CSMD1: variants seen among roughly 807,000 people sequenced by gnomAD.
CSMD1 encodes the protein CUB and Sushi multiple domains 1.
CSMD1 carries 213 observed loss-of-function variants against 417.5 expected under a neutral mutation model. That is an observed-to-expected ratio of 0.51 (90% CI 0.46 to 0.57). The LOEUF (loss-of-function observed/expected upper bound fraction) is 0.57. Among genes scored for constraint, CSMD1 ranks in the 20% least tolerant of loss-of-function variants. The probability of loss-of-function intolerance (pLI) is 0.00; values close to 1 mark genes in which losing one functional copy is unlikely to be tolerated. For synonymous variants in CSMD1, 2,862 were observed against 1,736.8 expected (o/e 1.65, Z -16.11); for missense variants, 6,923 against 4,529.7 (o/e 1.53, Z -15.17).
intron 11 of CSMD1, among the ~76,000 whole-genome samples, chr8:3,485,476 G>A (rs184732730): frequency 5.3e-5 from 8 of 150,260 alleles, no homozygotes; most frequent in Admixed American, 1.3e-4. Flanking sequence ...TGACTGTGGC[G>A]GATACAGGAA....
intron 41 of CSMD1, among the ~76,000 whole-genome samples, chr8:3,136,037 G>C (rs1208460368): frequency 2.6e-5 from 4 of 152,076 alleles, no homozygotes; most frequent in African/African-American, 9.7e-5. Flanking sequence ...GTTTCATTCA[G>C]ATTTCTATCA....
At chr8:3,708,333 G>A (rs780936957) in intron 7 of CSMD1, 81 bp downstream of exon 7, 2 of 1,112,330 alleles carry the variant, frequency 1.8e-6, no homozygotes, top group Non-Finnish European at 2.7e-6. Context: ...GGTGGTGGGT[G>A]GGATCGCTTC....
At chr8:4,294,776 A>T (rs991251919) in intron 3 of CSMD1, among the ~76,000 whole-genome samples, 1 of 151,974 alleles carries the variant, frequency 6.6e-6, no homozygotes, top group Non-Finnish European at 1.5e-5. Flanking sequence ...TGTAATAATC[A>T]TGGGTAAAAT....
intron 3 of CSMD1, among the ~76,000 whole-genome samples, chr8:4,384,236 A>G (rs979196496): frequency 1.3e-5 from 2 of 150,168 alleles, no homozygotes. Flanking sequence ...GACAGAAGTG[A>G]TAAATTACAG....
intron 17 of CSMD1, 101 bp downstream of exon 17, chr8:3,396,093 T>C (rs1029957114): frequency 3.0e-6 from 3 of 1,001,258 alleles, no homozygotes; most frequent in African/African-American, 3.2e-5. Flanking sequence ...GCAGGATCAG[T>C]AAACTAGCAC....
At chr8:3,556,289 C>G (rs1168614627) in intron 10 of CSMD1, among the ~76,000 whole-genome samples, 3 of 150,728 alleles carry the variant, frequency 2.0e-5, no homozygotes, top group Admixed American at 2.0e-4. Context: ...ACAACCCCCA[C>G]TACCCTTCCC....
chr8:4,079,871 C>T (rs1049475897), intron 3 of CSMD1, among the ~76,000 whole-genome samples: 4 of 152,032 alleles, frequency 2.6e-5, no homozygotes, highest in African/African-American at 4.8e-5. Flanking sequence ...CTTTGAATAC[C>T]ATCTTCATAG....
intron 5 of CSMD1, among the ~76,000 whole-genome samples, chr8:3,932,900 C>A (rs1810250182): frequency 6.7e-6 from 1 of 150,018 alleles, no homozygotes; most frequent in African/African-American, 2.5e-5. Flanking sequence ...ATTCCAATAG[C>A]AACACACTTC....
At chr8:3,247,594 C>T (rs1202145610) in intron 26 of CSMD1, among the ~76,000 whole-genome samples, 1 of 152,212 alleles carries the variant, frequency 6.6e-6, no homozygotes, top group Non-Finnish European at 1.5e-5. Context: ...ATTCTCCCTT[C>T]CCTGTGGGGA....
At chr8:4,973,716 T>G (rs1049909381) in intron 1 of CSMD1, among the ~76,000 whole-genome samples, 53 of 152,298 alleles carry the variant, frequency 3.5e-4, no homozygotes, top group African/African-American at 1.2e-3. Context: ...GCTTATGTTG[T>G]GATAATAGAC....
chr8:4,897,397 A>T (rs1159149422), intron 1 of CSMD1, among the ~76,000 whole-genome samples: 1 of 152,120 alleles, frequency 6.6e-6, no homozygotes, highest in Non-Finnish European at 1.5e-5. Context: ...CAACAGGAAA[A>T]AAGTTACAAC....
At chr8:3,400,176 A>T (rs755434255) in intron 15 of CSMD1, among the ~76,000 whole-genome samples, 13 of 152,172 alleles carry the variant, frequency 8.5e-5, no homozygotes, top group Non-Finnish European at 1.9e-4. Flanking sequence ...GAAAGTGATT[A>T]TGCATACCTG....
At chr8:3,024,265 C>G (rs1287305771) in intron 51 of CSMD1, among the ~76,000 whole-genome samples, 2 of 145,382 alleles carry the variant, frequency 1.4e-5, no homozygotes, top group Non-Finnish European at 3.0e-5. Context: ...CTTGTAGATC[C>G]CAGATAATGT....
At chr8:3,381,489 G>A (rs994225780) in intron 18 of CSMD1, among the ~76,000 whole-genome samples, 2 of 152,014 alleles carry the variant, frequency 1.3e-5, no homozygotes, top group Admixed American at 1.3e-4. Flanking sequence ...ACAGATTCAA[G>A]TTCAGTTACA....
chr8:4,702,541 G>C (rs1452733890), intron 1 of CSMD1, among the ~76,000 whole-genome samples: 1 of 152,062 alleles, frequency 6.6e-6, no homozygotes, highest in Non-Finnish European at 1.5e-5. Flanking sequence ...AAAATAAAAA[G>C]ACATTCATGA....
In CSMD1 at chr8:4,599,881, A is replaced by G. The variant is rs139728086; in HGVS notation, c.302+37461T>C. 5.9e-3 allele frequency among the ~76,000 whole-genome samples: 894 copies of G among 152,334 alleles called. 15 individuals carry two copies. Among genetic ancestry groups the G allele is most frequent in the African/African-American group, 0.021 (870 of 41,578 alleles). The stretch of plus-strand genomic sequence containing the variant: ...GAGACAATTAAAGTTACATTCAAAG[A>G]GTTTTTTGTAAACTGCTCAAAGTAG... On this transcript the variant is annotated intron_variant, in intron 2 of 69. Coordinates refer to ENST00000635120, the MANE Select transcript of CSMD1 (RefSeq NM_033225.6).
intron 5 of CSMD1, among the ~76,000 whole-genome samples, chr8:3,966,710 G>A (rs917674417): frequency 1.3e-5 from 2 of 149,974 alleles, no homozygotes; most frequent in African/African-American, 4.9e-5. Context: ...TGCCTGGCAG[G>A]CTGCAGGCAT....
chr8:4,560,130 C>G (rs1220088295), intron 2 of CSMD1, among the ~76,000 whole-genome samples: 2 of 152,188 alleles, frequency 1.3e-5, no homozygotes, highest in Non-Finnish European at 2.9e-5. Flanking sequence ...CCAAGCTGCT[C>G]CAGGAAGCAG....
chr8:3,038,416 G>C (rs981803427), intron 50 of CSMD1, among the ~76,000 whole-genome samples: 2 of 152,170 alleles, frequency 1.3e-5, no homozygotes, highest in Non-Finnish European at 2.9e-5. Context: ...AAAAATCTTA[G>C]TGTTCCATTC....
Sources: gnomAD v4.1 joint callset for allele counts (sites outside exome capture counted in the v4.1 genomes callset) on GRCh38, gnomAD v4.1.1 for gene constraint, MANE v1.5 for transcripts, NCBI Gene and HGNC (gene_info 2026-07-23, HGNC 2026-07-21) for gene names.